The following FKTN variants were observed in gnomAD, a reference collection of about 807,000 sequenced individuals.
FKTN encodes the protein fukutin.
In FKTN, 47 loss-of-function variants were observed where a neutral mutation model predicts 58.6. The observed-to-expected ratio is 0.80, with a 90% CI of 0.63 to 1.02. The LOEUF (loss-of-function observed/expected upper bound fraction) is 1.02. Ranked by LOEUF, FKTN falls within the 50% of genes least tolerant of loss-of-function variation. FKTN has a pLI of 0.00. For missense variants in FKTN, 516 were observed against 537.3 expected (o/e 0.96, Z 0.39); for synonymous variants, 178 against 191.9 (o/e 0.93, Z 0.60).
At chr9:105,593,770 G>A (rs1328861920) in intron 3 of FKTN, among the ~76,000 whole-genome samples, 1 of 152,238 alleles carries the variant, frequency 6.6e-6, no homozygotes, top group Non-Finnish European at 1.5e-5. Flanking sequence ...CAGTGAGGCA[G>A]AGGTTGTCAA....
At chr9:105,580,354 C>A (rs1842649378) in intron 3 of FKTN, among the ~76,000 whole-genome samples, 1 of 151,546 alleles carries the variant, frequency 6.6e-6, no homozygotes, top group Admixed American at 6.6e-5. Flanking sequence ...TCTTTTAGGG[C>A]AGGCCTGGTG....
intron 3 of FKTN, among the ~76,000 whole-genome samples, chr9:105,583,029 C>T (rs927371305): frequency 6.6e-6 from 1 of 152,146 alleles, no homozygotes; most frequent in Non-Finnish European, 1.5e-5. Context: ...AGTTTTGTGA[C>T]AGTGGCCAGC....
chr9:105,601,883 T>A (rs1255270881), intron 5 of FKTN, among the ~76,000 whole-genome samples: 1 of 152,224 alleles, frequency 6.6e-6, no homozygotes, highest in African/African-American at 2.4e-5. Context: ...CCTATATACA[T>A]AATTCCCCAA....
chr9:105,595,700 T>C (rs1826650669), intron 3 of FKTN, among the ~76,000 whole-genome samples: 1 of 152,176 alleles, frequency 6.6e-6, no homozygotes. Context: ...GTGCTACTGG[T>C]TATACAAAGA....
At chr9:105,611,154 T>C (rs1033008445) in intron 7 of FKTN, among the ~76,000 whole-genome samples, 4 of 152,226 alleles carry the variant, frequency 2.6e-5, no homozygotes, top group Non-Finnish European at 4.4e-5. Flanking sequence ...TGGTACCTTC[T>C]GTCATCTTAT....
intron 1 of FKTN, among the ~76,000 whole-genome samples, chr9:105,560,570 C>G (rs1406391782): frequency 6.6e-6 from 1 of 152,108 alleles, no homozygotes; most frequent in Admixed American, 6.5e-5. Flanking sequence ...GTAAAAATCA[C>G]TCCTAATTCT....
chr9:105,596,006 C>T (rs1826731747), intron 3 of FKTN, among the ~76,000 whole-genome samples: 1 of 152,116 alleles, frequency 6.6e-6, no homozygotes, highest in Non-Finnish European at 1.5e-5. Flanking sequence ...TTCTGATGCT[C>T]TAGACCTGAA....
intron 3 of FKTN, among the ~76,000 whole-genome samples, chr9:105,582,731 A>G (rs1219182337): frequency 6.6e-6 from 1 of 152,212 alleles, no homozygotes; most frequent in East Asian, 1.9e-4. Context: ...AAAGTCCTAG[A>G]GTAGAAATTC....
chr9:105,631,267 G>T (rs1234687398), intron 10 of FKTN, among the ~76,000 whole-genome samples: 1 of 152,174 alleles, frequency 6.6e-6, no homozygotes, highest in Non-Finnish European at 1.5e-5. Context: ...TTAGGAATGT[G>T]TGCTAGCCCT....
At chr9:105,632,655 T>A (rs561683185) in intron 10 of FKTN, among the ~76,000 whole-genome samples, 1 of 152,228 alleles carries the variant, frequency 6.6e-6, no homozygotes, top group South Asian at 2.1e-4. Flanking sequence ...TTGTATAGAT[T>A]TTAAGGATAT....
intron 3 of FKTN, among the ~76,000 whole-genome samples, chr9:105,588,545 G>T (rs1361761411): frequency 6.6e-6 from 1 of 152,232 alleles, no homozygotes; most frequent in African/African-American, 2.4e-5. Flanking sequence ...GGATGAAGGG[G>T]AGAGAGGTTA....
At chr9:105,621,626 C>T (rs748226756) in intron 10 of FKTN, among the ~76,000 whole-genome samples, 4 of 151,934 alleles carry the variant, frequency 2.6e-5, no homozygotes, top group Admixed American at 6.6e-5. Flanking sequence ...AACATATGCT[C>T]GTATACATAT....
chr9:105,569,779 C>T (rs1489136620), intron 1 of FKTN, among the ~76,000 whole-genome samples: 3 of 152,156 alleles, frequency 2.0e-5, no homozygotes, highest in African/African-American at 7.2e-5. Flanking sequence ...AACTTCGTAA[C>T]TCCCCTCGTT....
At chr9:105,634,680 A>G (rs1242485976) in intron 10 of FKTN, among the ~76,000 whole-genome samples, 1 of 152,172 alleles carries the variant, frequency 6.6e-6, no homozygotes, top group Non-Finnish European at 1.5e-5. Context: ...GAAAAAGATC[A>G]TTTTCATCCA....
In FKTN at chr9:105,619,639, G is replaced by C. The variant is rs544660240; in HGVS notation, c.1045-295G>C. ...CTTTTTTAGTCAGAAAGCTGCTCTG[G>C]AATAGGATATTTCTATTTTTTTTCT... is the stretch of plus-strand genomic sequence containing the variant. On this transcript the variant is annotated intron_variant, in intron 9 of 10. Coordinates refer to ENST00000357998, the MANE Select transcript of FKTN (RefSeq NM_001079802.2). Among the ~76,000 whole-genome samples, 261 of 152,056 alleles carry C rather than the reference G, an allele frequency of 1.7e-3. 3 individuals are homozygous for C. The highest frequency in any genetic ancestry group is 5.9e-3 in the African/African-American group (246 of 41,506).
chr9:105,603,144 TTGTC>T (rs1828199713), intron 5 of FKTN, among the ~76,000 whole-genome samples: 1 of 152,324 alleles, frequency 6.6e-6, no homozygotes, highest in Admixed American at 6.5e-5. Flanking sequence ...TCTGCCTATT[TTGTC>T]TGTCAGTCTT....
At chr9:105,569,669 T>C (rs1057493529) in intron 1 of FKTN, among the ~76,000 whole-genome samples, 16 of 152,222 alleles carry the variant, frequency 1.1e-4, no homozygotes, top group Admixed American at 9.2e-4. Flanking sequence ...TATGCCCTGC[T>C]TCCACTTCAT....
At chr9:105,569,606 A>C (rs1840377185) in intron 1 of FKTN, among the ~76,000 whole-genome samples, 1 of 152,242 alleles carries the variant, frequency 6.6e-6, no homozygotes, top group African/African-American at 2.4e-5. Flanking sequence ...GTTGGTAAGC[A>C]GATCTGCCCA....
chr9:105,592,571 A>G (rs1173257590), intron 3 of FKTN, among the ~76,000 whole-genome samples: 1 of 152,186 alleles, frequency 6.6e-6, no homozygotes, highest in Non-Finnish European at 1.5e-5. Context: ...TGGATAGCAG[A>G]GGTTGCAGTG....
Sources: allele counts gnomAD v4.1 joint callset (sites outside exome capture counted in the v4.1 genomes callset), GRCh38; gene constraint gnomAD v4.1.1; transcripts MANE v1.5; gene names NCBI Gene and HGNC (gene_info 2026-07-23, HGNC 2026-07-21).